Variants in NTM observed in about 807,000 individuals in gnomAD.
The protein encoded by NTM is IgLON family member 2.
In NTM, 13 loss-of-function variants were observed where a neutral mutation model predicts 42.1. The ratio of observed to expected loss-of-function variants is 0.31; its 90% CI spans 0.20 to 0.49. The LOEUF is 0.49. Ranked by LOEUF, NTM falls within the 20% of genes least tolerant of loss-of-function variation. The pLI is 0.99. For synonymous variants in NTM, 187 were observed against 179.2 expected (o/e 1.04, Z -0.35); for missense variants, 373 against 452.8 (o/e 0.82, Z 1.60).
At chr11:132,257,223 C>T (rs2092555778) in intron 4 of NTM, among the ~76,000 whole-genome samples, 1 of 152,194 alleles carries the variant, frequency 6.6e-6, no homozygotes, top group South Asian at 2.1e-4. Flanking sequence ...GCTGAGAGGG[C>T]ATGGAGGAGA....
chr11:131,788,661 C>G (rs1414808195), intron 1 of NTM, among the ~76,000 whole-genome samples: 1 of 152,158 alleles, frequency 6.6e-6, no homozygotes, highest in Non-Finnish European at 1.5e-5. Flanking sequence ...CTTTCCTATC[C>G]TCCCTCATTA....
chr11:131,864,866 C>T (rs779668099), intron 1 of NTM, among the ~76,000 whole-genome samples: 6 of 152,258 alleles, frequency 3.9e-5, no homozygotes, highest in Non-Finnish European at 7.3e-5. Flanking sequence ...TTTTAATGTC[C>T]ATGATTCTTT....
At chr11:131,586,158 T>A (rs1204918489) in intron 1 of NTM, among the ~76,000 whole-genome samples, 1 of 151,958 alleles carries the variant, frequency 6.6e-6, no homozygotes, top group African/African-American at 2.4e-5. Flanking sequence ...CAGGCTAGAG[T>A]GCAGTGGTGC....
At chr11:132,162,003 G>A (rs1390041366) in intron 3 of NTM, among the ~76,000 whole-genome samples, 2 of 152,310 alleles carry the variant, frequency 1.3e-5, no homozygotes, top group African/African-American at 4.8e-5. Flanking sequence ...AATTCTCTCC[G>A]TGCGCAGTGC....
At chr11:131,584,648 C>T (rs1255591516) in intron 1 of NTM, among the ~76,000 whole-genome samples, 1 of 152,186 alleles carries the variant, frequency 6.6e-6, no homozygotes, top group African/African-American at 2.4e-5. Context: ...GATGTAAATA[C>T]CCAAATTTGT....
At chr11:132,026,139 G>T (rs989675245) in intron 2 of NTM, among the ~76,000 whole-genome samples, 5 of 152,196 alleles carry the variant, frequency 3.3e-5, no homozygotes, top group African/African-American at 1.2e-4. Context: ...TATGATGAAT[G>T]CGGTGCATTT....
intron 1 of NTM, among the ~76,000 whole-genome samples, chr11:131,471,725 C>T (rs1565537041): frequency 6.6e-6 from 1 of 152,168 alleles, no homozygotes; most frequent in Non-Finnish European, 1.5e-5. Context: ...CAAATGCTTA[C>T]TCCAGGGTCT....
intron 1 of NTM, among the ~76,000 whole-genome samples, chr11:131,690,206 G>A (rs1592569163): frequency 1.3e-5 from 2 of 152,156 alleles, no homozygotes; most frequent in Admixed American, 6.5e-5. Context: ...GACACGCAGC[G>A]AGGCTTCCCT....
chr11:131,713,239 A>T (rs1189826078), intron 1 of NTM, among the ~76,000 whole-genome samples: 1 of 152,198 alleles, frequency 6.6e-6, no homozygotes, highest in African/African-American at 2.4e-5. Context: ...AATATAAACG[A>T]CACAATGCCG....
rs142725511 is a variant in NTM, at chr11:131,983,747, C to G, written c.167+72099C>G. On this transcript the variant is annotated intron_variant, in intron 2 of 8. Coordinates refer to ENST00000683400, the MANE Select transcript of NTM (RefSeq NM_001352005.2). ...TCAATATAAATTTATGACTTGCTCA[C>G]TCAACAATCTACAATGAATGTTTCT... 3.3e-5 allele frequency among the ~76,000 whole-genome samples: 5 copies of G among 151,172 alleles called. No individual in the cohort carries two copies. In the East Asian group the frequency reaches 9.7e-4, roughly 29 times the overall value.
At chr11:131,689,388 G>T (rs2074368441) in intron 1 of NTM, among the ~76,000 whole-genome samples, 2 of 152,354 alleles carry the variant, frequency 1.3e-5, no homozygotes, top group African/African-American at 4.8e-5. Context: ...AAGGAGAAGG[G>T]TCAGAGCCAG....
intron 1 of NTM, among the ~76,000 whole-genome samples, chr11:131,518,579 G>T (rs552097659): frequency 6.6e-6 from 1 of 152,170 alleles, no homozygotes; most frequent in Non-Finnish European, 1.5e-5. Flanking sequence ...CATTGGGGAG[G>T]AATTTCACTG....
chr11:131,521,383 CTTTTTTTTTTTTTTTTTTTT>C (rs773233050), intron 1 of NTM, among the ~76,000 whole-genome samples: 11 of 45,720 alleles, frequency 2.4e-4, no homozygotes, highest in South Asian at 1.9e-3. Flanking sequence ...AGGTGCCAGT[CTTTTTTTTTTTTTTTTTTTT>C]TTTTTTTTTT....
At chr11:131,613,840 G>A (rs1022094566) in intron 1 of NTM, among the ~76,000 whole-genome samples, 25 of 152,232 alleles carry the variant, frequency 1.6e-4, no homozygotes, top group African/African-American at 6.0e-4. Context: ...GGGAGCCTGG[G>A]AACACCACGT....
At chr11:132,215,108 A>AG (rs1489522733) in intron 4 of NTM, among the ~76,000 whole-genome samples, 1 of 152,264 alleles carries the variant, frequency 6.6e-6, no homozygotes, top group Non-Finnish European at 1.5e-5. Context: ...TAAATAAACC[A>AG]GGATGGGCTT....
At chr11:132,297,890 A>C (rs2094685034) in intron 4 of NTM, among the ~76,000 whole-genome samples, 1 of 152,184 alleles carries the variant, frequency 6.6e-6, no homozygotes, top group Admixed American at 6.5e-5. Context: ...TATGCATAAT[A>C]TTATTTCCTG....
At chr11:131,659,002 A>AGGCAGAG (rs2067597037) in intron 1 of NTM, among the ~76,000 whole-genome samples, 1 of 152,198 alleles carries the variant, frequency 6.6e-6, no homozygotes, top group Admixed American at 6.5e-5. Context: ...AGCACTGAGA[A>AGGCAGAG]GGCAGAGAGA....
chr11:131,513,344 C>T (rs1245079949), intron 1 of NTM, among the ~76,000 whole-genome samples: 2 of 152,164 alleles, frequency 1.3e-5, no homozygotes, highest in African/African-American at 4.8e-5. Flanking sequence ...GGCTCTGCAC[C>T]CATCCTCTGG....
intron 1 of NTM, among the ~76,000 whole-genome samples, chr11:131,711,698 A>T (rs1305715389): frequency 2.2e-4 from 34 of 152,106 alleles, no homozygotes; most frequent in African/African-American, 7.7e-4. Context: ...TTATTGCGGC[A>T]CTATTCACAA....
Sources: gnomAD v4.1 joint callset for allele counts (sites outside exome capture counted in the v4.1 genomes callset) on GRCh38, gnomAD v4.1.1 for gene constraint, MANE v1.5 for transcripts, NCBI Gene and HGNC (gene_info 2026-07-23, HGNC 2026-07-21) for gene names.